FAM13A: variants seen among roughly 807,000 people sequenced by gnomAD.
FAM13A encodes the protein protein FAM13A.
A neutral mutation model predicts 129.6 loss-of-function variants in FAM13A; 76 were observed. The observed-to-expected ratio is 0.59, with a 90% confidence interval of 0.49 to 0.71. The LOEUF is 0.71. FAM13A is among the 30% of genes least tolerant of loss of function. The probability of loss-of-function intolerance (pLI) is 0.00; values close to 1 mark genes in which losing one functional copy is unlikely to be tolerated. For synonymous variants in FAM13A, 443 were observed against 449.9 expected, an observed-to-expected ratio of 0.98 and a Z score of 0.20; for missense variants, 1,108 against 1,249.3, an observed-to-expected ratio of 0.89 and a Z score of 1.70.
Position 88,919,359 on chromosome 4 carries a change from T to C in FAM13A, c.760-12897A>G, listed in dbSNP as rs147926198. ...TGGAAGTCTGTGAAGCAAACTTTTA[T>C]TGAATGCACTAGAGATGTGAACAAT... On this transcript the variant is annotated intron_variant, in intron 5 of 23. Transcript: ENST00000264344. 1.9e-3 allele frequency among the ~76,000 whole-genome samples: 285 copies of C among 152,344 alleles called. 1 individual carries two copies. The highest frequency in any genetic ancestry group is 6.7e-3 in the African/African-American group (278 of 41,566).
At chr4:88,985,985 C>T (rs985165048) in intron 4 of FAM13A, among the ~76,000 whole-genome samples, 8 of 151,992 alleles carry the variant, frequency 5.3e-5, no homozygotes, top group African/African-American at 1.9e-4. Flanking sequence ...ACTACATATA[C>T]ACACTTATTT....
chr4:88,946,475 C>A (rs1295938418), intron 4 of FAM13A, among the ~76,000 whole-genome samples: 3 of 144,094 alleles, frequency 2.1e-5, no homozygotes, highest in African/African-American at 7.8e-5. Context: ...AGAATTAGCA[C>A]CCTCTGCTTT....
chr4:88,805,148 G>A, intron 7 of FAM13A, 96 bp from the exon 8 acceptor site: 1 of 703,930 alleles, frequency 1.4e-6, no homozygotes, highest in South Asian at 1.6e-5. Flanking sequence ...TGTTGATTTA[G>A]CACATTAAAG....
intron 13 of FAM13A, among the ~76,000 whole-genome samples, 169 bp downstream of exon 13, chr4:88,767,384 T>C (rs1037753963): frequency 6.6e-6 from 1 of 152,202 alleles, no homozygotes; most frequent in Non-Finnish European, 1.5e-5. Flanking sequence ...ATAATGGAGC[T>C]CTTATGATTT....
At chr4:88,897,066 T>C (rs1746473258) in intron 6 of FAM13A, among the ~76,000 whole-genome samples, 2 of 152,190 alleles carry the variant, frequency 1.3e-5, no homozygotes, top group African/African-American at 2.4e-5. Context: ...TCAGGGTTTA[T>C]ATATTGAGCA....
At chr4:88,937,555 A>T (rs1442856110) in intron 5 of FAM13A, 1 of 152,858 alleles carries the variant, frequency 6.5e-6, no homozygotes, top group East Asian at 1.9e-4. Context: ...GTATAAAAAG[A>T]TTTAGATAGT....
intron 6 of FAM13A, among the ~76,000 whole-genome samples, chr4:88,888,062 T>G (rs1744737688): frequency 6.6e-6 from 1 of 152,194 alleles, no homozygotes; most frequent in Non-Finnish European, 1.5e-5. Flanking sequence ...ATCAACCTTC[T>G]ACCCATTATA....
At chr4:88,801,967 C>T (rs746349964) in intron 8 of FAM13A, among the ~76,000 whole-genome samples, 1 of 151,990 alleles carries the variant, frequency 6.6e-6, no homozygotes, top group African/African-American at 2.4e-5. Flanking sequence ...AGAGCAGCAA[C>T]AGATCCTAGA....
intron 5 of FAM13A, among the ~76,000 whole-genome samples, chr4:88,915,957 C>T (rs1468638634): frequency 1.3e-5 from 2 of 152,086 alleles, no homozygotes; most frequent in African/African-American, 2.4e-5. Flanking sequence ...GCCTGACGCC[C>T]TTGCCAGAAG....
At chr4:88,810,028 A>C (rs1729363793) in intron 7 of FAM13A, among the ~76,000 whole-genome samples, 1 of 152,120 alleles carries the variant, frequency 6.6e-6, no homozygotes. Flanking sequence ...TGTGCCTAAG[A>C]ACACAACTCT....
chr4:89,053,849 G>A (rs1427928260), intron 1 of FAM13A, among the ~76,000 whole-genome samples: 1 of 152,008 alleles, frequency 6.6e-6, no homozygotes, highest in Non-Finnish European at 1.5e-5. Context: ...CCCACTTTCA[G>A]CCCACCAATC....
chr4:88,769,097 G>C (rs1174445997), intron 11 of FAM13A, among the ~76,000 whole-genome samples: 1 of 152,126 alleles, frequency 6.6e-6, no homozygotes, highest in Non-Finnish European at 1.5e-5. Flanking sequence ...ATACATATAT[G>C]AAAGTAACAT....
At chr4:88,947,992 G>C (rs1756233067) in intron 4 of FAM13A, among the ~76,000 whole-genome samples, 1 of 151,994 alleles carries the variant, frequency 6.6e-6, no homozygotes, top group Non-Finnish European at 1.5e-5. Context: ...GGAATGATTA[G>C]GGAAAAAAGT....
intron 7 of FAM13A, among the ~76,000 whole-genome samples, chr4:88,825,135 C>T (rs576619111): frequency 1.3e-5 from 2 of 151,842 alleles, no homozygotes; most frequent in Non-Finnish European, 2.9e-5. Flanking sequence ...AACCTGGAAT[C>T]GGAATTTCTC....
intron 5 of FAM13A, chr4:88,936,863 G>A (rs1753939757): frequency 6.6e-6 from 1 of 152,072 alleles, no homozygotes; most frequent in Admixed American, 6.5e-5. Context: ...GGGTATATGT[G>A]ATTGAGAGAT....
At chr4:88,854,252 G>C (rs1191007341) in intron 6 of FAM13A, among the ~76,000 whole-genome samples, 1 of 152,216 alleles carries the variant, frequency 6.6e-6, no homozygotes, top group Non-Finnish European at 1.5e-5. Flanking sequence ...AGTGGGCCCA[G>C]GAGGCCATTT....
chr4:88,731,781 A>G (rs1737860998), intron 22 of FAM13A: 3 of 529,498 alleles, frequency 5.7e-6, no homozygotes, highest in Non-Finnish European at 9.9e-6. Flanking sequence ...TTAGAGAGAG[A>G]ACTTCTGGTT....
At chr4:88,755,397 A>T (rs2149492297) in intron 14 of FAM13A, among the ~76,000 whole-genome samples, 1 of 152,350 alleles carries the variant, frequency 6.6e-6, no homozygotes, top group Non-Finnish European at 1.5e-5. Flanking sequence ...CTTATTAAGT[A>T]GATACTACTG....
At chr4:88,913,083 A>G (rs571452376) in intron 5 of FAM13A, among the ~76,000 whole-genome samples, 10 of 150,902 alleles carry the variant, frequency 6.6e-5, no homozygotes, top group Non-Finnish European at 1.5e-4. Flanking sequence ...GAGGAGGAGG[A>G]AGAAGAAGAA....
Sources: allele counts gnomAD v4.1 joint callset (sites outside exome capture counted in the v4.1 genomes callset), GRCh38; gene constraint gnomAD v4.1.1; transcripts MANE v1.5; gene names NCBI Gene and HGNC (gene_info 2026-07-23, HGNC 2026-07-21).